EPB41L3: variants seen among roughly 807,000 people sequenced by gnomAD.
The protein encoded by EPB41L3 is band 4.1-like protein 3.
A neutral mutation model predicts 127.1 loss-of-function variants in EPB41L3; 57 were observed. That is an observed-to-expected ratio of 0.45 (90% CI 0.36 to 0.56). The LOEUF (loss-of-function observed/expected upper bound fraction) is 0.56. Ranked by LOEUF, EPB41L3 falls within the 20% of genes least tolerant of loss-of-function variation. The pLI, the probability that EPB41L3 is intolerant of heterozygous loss-of-function variation, is 0.00. For synonymous variants in EPB41L3, 572 were observed against 549.5 expected (o/e 1.04, Z -0.57); for missense variants, 1,273 against 1,372.2 (o/e 0.93, Z 1.14).
At chr18:5,612,892 C>A (rs2094745221) in intron 2 of EPB41L3, among the ~76,000 whole-genome samples, 2 of 152,116 alleles carry the variant, frequency 1.3e-5, no homozygotes, top group Non-Finnish European at 2.9e-5. Flanking sequence ...AGGTGTGCAC[C>A]ACCACATCCA....
intron 1 of EPB41L3, among the ~76,000 whole-genome samples, chr18:5,628,549 G>A (rs537553391): frequency 3.9e-4 from 59 of 152,296 alleles, no homozygotes; most frequent in African/African-American, 1.4e-3. Context: ...AGAGCCCGGC[G>A]TCTTCCCTTT....
At chr18:5,459,532 T>C (rs1416495106) in intron 3 of EPB41L3, among the ~76,000 whole-genome samples, 2 of 152,178 alleles carry the variant, frequency 1.3e-5, no homozygotes, top group Admixed American at 6.5e-5. Context: ...TTAGATCTTT[T>C]TGAGGATAAA....
At chr18:5,599,723 T>C (rs2094571019) in intron 3 of EPB41L3, among the ~76,000 whole-genome samples, 1 of 152,128 alleles carries the variant, frequency 6.6e-6, no homozygotes, top group South Asian at 2.1e-4. Flanking sequence ...TGGTTGTAAG[T>C]TTTCTGAGGC....
intron 3 of EPB41L3, among the ~76,000 whole-genome samples, chr18:5,477,433 G>C (rs887759126): frequency 1.3e-5 from 2 of 152,170 alleles, no homozygotes; most frequent in Admixed American, 6.5e-5. Context: ...ACAAGGGCAG[G>C]AGCTGGAGGC....
At chr18:5,595,681 G>GCCCC (rs1482318329) in intron 3 of EPB41L3, among the ~76,000 whole-genome samples, 51 of 152,188 alleles carry the variant, frequency 3.4e-4, no homozygotes, top group Non-Finnish European at 5.1e-4. Context: ...GTAAGTGTTT[G>GCCCC]ATACATACTA....
intron 3 of EPB41L3, among the ~76,000 whole-genome samples, chr18:5,588,067 A>T (rs1366288180): frequency 6.6e-6 from 1 of 152,216 alleles, no homozygotes; most frequent in Non-Finnish European, 1.5e-5. Flanking sequence ...AAATAAATAT[A>T]AGGTACTACC....
chr18:5,588,167 A>C (rs1050237880), intron 3 of EPB41L3, among the ~76,000 whole-genome samples: 2 of 152,226 alleles, frequency 1.3e-5, no homozygotes, highest in African/African-American at 4.8e-5. Flanking sequence ...CCTGTAAATG[A>C]GTGCAATAAA....
chr18:5,414,847 G>C (rs557908513), intron 13 of EPB41L3, among the ~76,000 whole-genome samples: 1 of 152,184 alleles, frequency 6.6e-6, no homozygotes, highest in Non-Finnish European at 1.5e-5. Context: ...AAAACTACTG[G>C]CTACCATGTC....
intron 1 of EPB41L3, among the ~76,000 whole-genome samples, chr18:5,517,157 CAA>C (rs2092783741): frequency 6.6e-6 from 1 of 152,034 alleles, no homozygotes; most frequent in Non-Finnish European, 1.5e-5. Context: ...AGGAGGCACT[CAA>C]TATTTGTCAA....
intron 20 of EPB41L3, 124 bp downstream of exon 20, chr18:5,395,485 T>A: frequency 1.2e-6 from 1 of 837,364 alleles, no homozygotes; most frequent in Non-Finnish European, 2.0e-6. Context: ...CTTGCAGCTA[T>A]CCCGGCGTCC....
At chr18:5,459,720 T>C (rs1253222403) in intron 3 of EPB41L3, among the ~76,000 whole-genome samples, 1 of 152,226 alleles carries the variant, frequency 6.6e-6, no homozygotes, top group African/African-American at 2.4e-5. Context: ...CTTCTGCTAA[T>C]AATATCAGTG....
At chr18:5,629,530 C>T (rs2094965416), upstream of EPB41L3, among the ~76,000 whole-genome samples, 2 of 152,168 alleles carry the variant, frequency 1.3e-5, no homozygotes, top group South Asian at 4.1e-4. Flanking sequence ...AAAGCAGGGG[C>T]TGAAACGCTG....
At chr18:5,601,527 G>T (rs1288438708) in intron 3 of EPB41L3, among the ~76,000 whole-genome samples, 2 of 152,128 alleles carry the variant, frequency 1.3e-5, no homozygotes, top group Non-Finnish European at 2.9e-5. Flanking sequence ...TTTTCCTTCA[G>T]ATTTCCACAA....
At chr18:5,401,706 CTTT>C (rs1329816036) in intron 16 of EPB41L3, among the ~76,000 whole-genome samples, 1 of 152,092 alleles carries the variant, frequency 6.6e-6, no homozygotes, top group Non-Finnish European at 1.5e-5. Context: ...TCAATTCATA[CTTT>C]AACATAAAAA....
intron 1 of EPB41L3, among the ~76,000 whole-genome samples, chr18:5,498,449 C>T (rs2091391027): frequency 6.6e-6 from 1 of 151,920 alleles, no homozygotes; most frequent in African/African-American, 2.4e-5. Flanking sequence ...CAAATATCAC[C>T]TGGGTGTGGT....
At chr18:5,405,841 T>C (rs1227043602) in intron 16 of EPB41L3, among the ~76,000 whole-genome samples, 9 of 150,828 alleles carry the variant, frequency 6.0e-5, no homozygotes, top group Non-Finnish European at 1.3e-4. Context: ...AAAAATCTCT[T>C]TAAATGTACA....
rs34862547 is a variant in EPB41L3 at position 5,436,403 on chromosome 18, C to CTTTTTT, written c.605+1626_605+1631dup. On this transcript the variant is annotated intron_variant, in intron 6 of 22. Coordinates refer to ENST00000341928, the MANE Select transcript of EPB41L3 (RefSeq NM_012307.5). Reference sequence around the variant, plus strand: ...AGAAACCATGCACTACATTTTCTTTCTTTTTTTTTTTTTTTTTTTTTTTGA... The same window carrying CTTTTTT: ...AGAAACCATGCACTACATTTTCTTTCTTTTTTTTTTTTTTTTTTTTTTTTTTTTTGA... 1.0e-3 allele frequency among the ~76,000 whole-genome samples: 103 copies of CTTTTTT among 100,636 alleles called. 1 individual carries two copies. The highest frequency in any genetic ancestry group is 1.8e-3 in the East Asian group (5 of 2,760). 66.0% of individuals were successfully genotyped at this position (100,636 alleles called of 152,430 possible).
intron 2 of EPB41L3, among the ~76,000 whole-genome samples, chr18:5,484,941 CAA>C (rs200783747): frequency 7.1e-6 from 1 of 141,214 alleles, no homozygotes; most frequent in African/African-American, 2.6e-5. Context: ...TTAAACTCTT[CAA>C]AAAAAAAAAA....
chr18:5,557,510 G>A (rs755205809), intron 3 of EPB41L3, among the ~76,000 whole-genome samples: 3 of 151,990 alleles, frequency 2.0e-5, no homozygotes, highest in Middle Eastern at 3.2e-3. Context: ...TCAGCCTCCC[G>A]AGTAGCTGGA....
Sources: gnomAD v4.1 joint callset for allele counts (sites outside exome capture counted in the v4.1 genomes callset) on GRCh38, gnomAD v4.1.1 for gene constraint, MANE v1.5 for transcripts, NCBI Gene and HGNC (gene_info 2026-07-23, HGNC 2026-07-21) for gene names.